Variants in NAA11 observed in about 807,000 individuals in gnomAD.
NAA11 encodes the protein N-alpha-acetyltransferase 11, NatA catalytic subunit, also known as N-alpha-acetyltransferase 11.
NAA11 carries 15 observed loss-of-function variants against 16.1 expected under a neutral mutation model. The ratio of observed to expected loss-of-function variants is 0.93; its 90% CI spans 0.62 to 1.44. The LOEUF (loss-of-function observed/expected upper bound fraction) is 1.44. Ranked by LOEUF, NAA11 falls within the 40% of genes most tolerant of loss-of-function variation. NAA11 has a pLI of 0.00. For missense variants in NAA11, 298 were observed against 291.3 expected, an observed-to-expected ratio of 1.02 and a Z score of -0.17; for synonymous variants, 122 against 112.4, an observed-to-expected ratio of 1.09 and a Z score of -0.54.
chr4:79,164,049 A>C, the NAA11 span, among the ~76,000 whole-genome samples: 1 of 151,228 alleles, frequency 6.6e-6, no homozygotes, highest in African/African-American at 2.4e-5. Flanking sequence ...ACCTCTCCCC[A>C]ACCTCACCTC....
intron 2 of NAA11, among the ~76,000 whole-genome samples, chr4:79,249,173 C>A (rs1227414420): frequency 3.3e-5 from 5 of 152,174 alleles, no homozygotes; most frequent in African/African-American, 1.2e-4. Context: ...GAGAAAGAAC[C>A]AGTACAAGAA....
chr4:79,190,917 G>A, the NAA11 span, among the ~76,000 whole-genome samples: 150 of 152,184 alleles, frequency 9.9e-4, 1 homozygote, highest in Middle Eastern at 0.014. Flanking sequence ...GTGAGAACAT[G>A]CGGTATTTGG....
chr4:79,281,772 ACAGT>A (rs1179900821), intron 2 of NAA11, among the ~76,000 whole-genome samples: 10 of 152,234 alleles, frequency 6.6e-5, no homozygotes, highest in African/African-American at 2.4e-4. Flanking sequence ...GGGAGAGAAT[ACAGT>A]CATGGGTTCT....
At chr4:79,314,089 AAAT>A (rs1207794645), downstream of NAA11, among the ~76,000 whole-genome samples, 1 of 152,194 alleles carries the variant, frequency 6.6e-6, no homozygotes, top group Non-Finnish European at 1.5e-5. Context: ...AAGCCCTAAA[AAAT>A]AACATACATG....
At chr4:79,297,300 C>A (rs993004204) in intron 1 of NAA11, among the ~76,000 whole-genome samples, 5 of 152,162 alleles carry the variant, frequency 3.3e-5, no homozygotes, top group Non-Finnish European at 7.4e-5. Context: ...GAGCCACCCA[C>A]TGGATGGGGA....
intron 1 of NAA11, among the ~76,000 whole-genome samples, chr4:79,323,940 T>G (rs1450418918): frequency 6.6e-6 from 1 of 151,584 alleles, no homozygotes; most frequent in African/African-American, 2.4e-5. Context: ...GACGTGGAGG[T>G]TGCAGTGAGC....
the NAA11 span, among the ~76,000 whole-genome samples, chr4:79,216,993 A>G: frequency 3.3e-5 from 5 of 152,208 alleles, no homozygotes; most frequent in South Asian, 8.3e-4. Flanking sequence ...TGAGGTGGAA[A>G]AATGTACATT....
chr4:79,196,663 G>A, the NAA11 span, among the ~76,000 whole-genome samples: 2 of 151,886 alleles, frequency 1.3e-5, no homozygotes, highest in African/African-American at 4.8e-5. Context: ...CTCTTCAGAT[G>A]TCCATATTCT....
chr4:79,236,547 C>G (rs1484464704), intron 2 of NAA11, among the ~76,000 whole-genome samples: 1 of 151,650 alleles, frequency 6.6e-6, no homozygotes, highest in South Asian at 2.1e-4. Context: ...GAAATTATAC[C>G]TCAATTGGAA....
At chr4:79,163,252 C>A in the NAA11 span, among the ~76,000 whole-genome samples, 3 of 152,128 alleles carry the variant, frequency 2.0e-5, no homozygotes, top group Non-Finnish European at 4.4e-5. Context: ...AGTCACTTAC[C>A]TTTCCTGAAT....
chr4:79,298,916 T>A (rs548461766), intron 1 of NAA11: 28 of 152,376 alleles, frequency 1.8e-4, no homozygotes, highest in Middle Eastern at 6.8e-3. Context: ...TTTACTTGAC[T>A]ATATTTTATT....
intron 2 of NAA11, among the ~76,000 whole-genome samples, chr4:79,241,468 A>G (rs1300511254): frequency 6.6e-6 from 1 of 152,196 alleles, no homozygotes; most frequent in Non-Finnish European, 1.5e-5. Flanking sequence ...TGTTGTTCAA[A>G]GGTCAACTGT....
At chr4:79,253,999 G>A (rs952951492) in intron 2 of NAA11, among the ~76,000 whole-genome samples, 5 of 152,178 alleles carry the variant, frequency 3.3e-5, no homozygotes, top group African/African-American at 9.7e-5. Context: ...TAACTTCACA[G>A]GGCATGCTCT....
At chr4:79,206,463 C>G in the NAA11 span, among the ~76,000 whole-genome samples, 1 of 152,100 alleles carries the variant, frequency 6.6e-6, no homozygotes, top group African/African-American at 2.4e-5. Context: ...TGAATGTCTG[C>G]TAGCCGTAAT....
the NAA11 span, among the ~76,000 whole-genome samples, chr4:79,182,307 G>T: frequency 3.3e-5 from 5 of 152,266 alleles, no homozygotes; most frequent in African/African-American, 1.2e-4. Context: ...TAAGCTCCTG[G>T]TCAGGCCAAA....
the NAA11 span, among the ~76,000 whole-genome samples, chr4:79,170,933 C>CAA: frequency 0.01 from 1,567 of 151,338 alleles, 26 homozygotes; most frequent in African/African-American, 0.037. Flanking sequence ...CACAAAAAAA[C>CAA]AAAAAAAAAA....
the NAA11 span, among the ~76,000 whole-genome samples, chr4:79,220,437 C>CTGTG: frequency 0.015 from 2,116 of 143,026 alleles, 48 homozygotes; most frequent in African/African-American, 0.046. Flanking sequence ...GTGTGTGTGT[C>CTGTG]TGTGTGTGTG....
At chr4:79,221,524 C>A (rs1721187963), downstream of NAA11, among the ~76,000 whole-genome samples, 1 of 133,088 alleles carries the variant, frequency 7.5e-6, no homozygotes, top group Non-Finnish European at 1.6e-5. Flanking sequence ...TCATAGATAG[C>A]TCTTATTATT....
chr4:79,298,104 G>A (rs912926665), intron 1 of NAA11, among the ~76,000 whole-genome samples: 5 of 152,206 alleles, frequency 3.3e-5, no homozygotes, highest in African/African-American at 1.2e-4. Context: ...CCTGCCTGAA[G>A]AGAGGTTCTA....
Sources: allele counts gnomAD v4.1 joint callset (sites outside exome capture counted in the v4.1 genomes callset), GRCh38; gene constraint gnomAD v4.1.1; transcripts MANE v1.5; gene names NCBI Gene and HGNC (gene_info 2026-07-23, HGNC 2026-07-21).